Variants in CPS1 observed in about 807,000 individuals in gnomAD.
The protein encoded by CPS1 is carbamoyl-phosphate synthase [ammonia], mitochondrial.
In CPS1, 109 loss-of-function variants were observed where a neutral mutation model predicts 174.6. The ratio of observed to expected loss-of-function variants is 0.62; its 90% CI spans 0.53 to 0.73. The LOEUF is 0.73. Ranked by LOEUF, CPS1 falls within the 30% of genes least tolerant of loss-of-function variation. The probability of loss-of-function intolerance (pLI) is 0.00; values close to 1 mark genes in which losing one functional copy is unlikely to be tolerated. For synonymous variants in CPS1, 637 were observed against 632.0 expected, an observed-to-expected ratio of 1.01 and a Z score of -0.12; for missense variants, 1,689 against 1,821.9, an observed-to-expected ratio of 0.93 and a Z score of 1.33.
intron 1 of CPS1, among the ~76,000 whole-genome samples, chr2:210,543,861 C>A (rs1402189734): frequency 6.6e-6 from 1 of 152,044 alleles, no homozygotes; most frequent in African/African-American, 2.4e-5. Context: ...AAATTAGATA[C>A]ACAAAATTAG....
chr2:210,485,073 A>C (rs1694678405), intron 1 of CPS1, among the ~76,000 whole-genome samples: 1 of 150,614 alleles, frequency 6.6e-6, no homozygotes, highest in African/African-American at 2.4e-5. Context: ...CTAAAAATAC[A>C]AAAAAAAATT....
At chr2:210,658,751 C>G in intron 31 of CPS1, 63 bp downstream of exon 31, 1 of 1,213,728 alleles carries the variant, frequency 8.2e-7, no homozygotes, top group Non-Finnish European at 1.2e-6. Context: ...TGGTTTGCAT[C>G]TCTCTGGTAA....
chr2:210,642,644 C>G lies in CPS1; in HGVS notation c.3120C>G (p.Ile1040Met). 1 of 1,613,632 alleles carries G rather than the reference C, an allele frequency of 6.2e-7. No homozygotes were observed. Among genetic ancestry groups the G allele is most frequent in the Non-Finnish European group, 8.5e-7 (1 of 1,179,906 alleles). The change falls in exon 25 of 38, where the codon ATC (isoleucine) becomes ATG (methionine). Residue 1040 changes from isoleucine (I) to methionine (M), a missense_variant. By Grantham distance (10) the Ile-to-Met change is conservative. Transcript: ENST00000233072. ...LYFEELSLER[I>M]LDIYHQEACG... ...TTGAAGAGTTGTCCTTGGAGAGAAT[C>G]CTAGACATCTACCATCAGGAGGTAA...
chr2:210,487,690 T>C (rs1253071114), intron 1 of CPS1, among the ~76,000 whole-genome samples: 3 of 95,436 alleles, frequency 3.1e-5, no homozygotes, highest in Non-Finnish European at 8.1e-5. Context: ...ATTGTGATGC[T>C]TTTTTTTTTA....
intron 1 of CPS1, among the ~76,000 whole-genome samples, chr2:210,517,959 C>T (rs147451809): frequency 0.013 from 2,035 of 152,078 alleles, 30 homozygotes; most frequent in Non-Finnish European, 0.02. Flanking sequence ...ATTATACATG[C>T]TATCTATGTG....
At chr2:210,511,193 A>G (rs1021023363) in intron 1 of CPS1, among the ~76,000 whole-genome samples, 2 of 152,212 alleles carry the variant, frequency 1.3e-5, no homozygotes, top group Non-Finnish European at 2.9e-5. Flanking sequence ...ATGGAATACT[A>G]TGCAGCCTTA....
rs2229589 is a variant in CPS1, at chr2:210,591,915, C to T, written c.1032C>T (p.Thr344=). 917,099 of 1,610,134 alleles carry T rather than the reference C, an allele frequency of 0.57. 262,873 individuals are homozygous for T. Among genetic ancestry groups the T allele is most frequent in the African/African-American group, 0.67 (49,778 of 74,578 alleles). Reference sequence around the variant, plus strand: ...ATCATGGCTATGCCTTGGACAACACCCTCCCTGCTGGCTGGAAACCACTTT... The same window carrying T: ...ATCATGGCTATGCCTTGGACAACACTCTCCCTGCTGGCTGGAAACCACTTT... ...AQNHGYALDN[T]LPAGWKPLFV... The change falls in exon 10 of 38, where the codon ACC becomes ACT. Residue 344 remains threonine, a synonymous_variant. Coordinates refer to ENST00000233072, the MANE Select transcript of CPS1 (RefSeq NM_001875.5).
intron 1 of CPS1, among the ~76,000 whole-genome samples, chr2:210,481,764 G>A (rs1694576584): frequency 6.6e-6 from 1 of 152,248 alleles, no homozygotes; most frequent in Non-Finnish European, 1.5e-5. Flanking sequence ...GTGTATAGGT[G>A]AGTAACTGTA....
chr2:210,602,192 T>A lies in CPS1; in HGVS notation c.1708-10T>A. The A allele has an allele frequency of 6.2e-7, 1 of 1,612,080 alleles. No homozygotes were observed. Among genetic ancestry groups the A allele is most frequent in the Admixed American group, 1.7e-5 (1 of 59,816 alleles). On this transcript the variant is annotated splice_polypyrimidine_tract_variant and intron_variant, in intron 15 of 37. Transcript: ENST00000233072. ...CTTTTAAAATGTTGAGTCCTTGTTC[T>A]TGTTGACAGATTGAGGATGCACTGA...
At chr2:210,479,329 CTTTTT>C (rs11299389) in intron 1 of CPS1, among the ~76,000 whole-genome samples, 1 of 122,406 alleles carries the variant, frequency 8.2e-6, no homozygotes. Context: ...ATCATTCTTT[CTTTTT>C]TTTTTTTTTT....
chr2:210,587,689 C>A (rs565451548), intron 6 of CPS1, among the ~76,000 whole-genome samples: 30 of 152,124 alleles, frequency 2.0e-4, no homozygotes, highest in African/African-American at 7.2e-4. Flanking sequence ...GTATCTATTG[C>A]CACATCTGTC....
intron 20 of CPS1, among the ~76,000 whole-genome samples, chr2:210,615,898 T>G (rs1297384103): frequency 6.6e-6 from 1 of 152,024 alleles, no homozygotes; most frequent in African/African-American, 2.4e-5. Context: ...GGAAATATTC[T>G]GGAGGAATAA....
At chr2:210,668,054 A>G in intron 33 of CPS1, 132 bp from the exon 34 acceptor site, 1 of 678,074 alleles carries the variant, frequency 1.5e-6, no homozygotes, top group South Asian at 1.7e-5. Flanking sequence ...CTATGAGTAA[A>G]GTACTTTCCA....
intron 16 of CPS1, among the ~76,000 whole-genome samples, chr2:210,602,552 A>C (rs1464820312): frequency 6.6e-6 from 1 of 151,978 alleles, no homozygotes; most frequent in Non-Finnish European, 1.5e-5. Context: ...AAGGTAAACC[A>C]GTGGTCACTT....
At chr2:210,553,087 G>A (rs1305231662), upstream of CPS1, among the ~76,000 whole-genome samples, 2 of 151,736 alleles carry the variant, frequency 1.3e-5, no homozygotes, top group Non-Finnish European at 2.9e-5. Context: ...TAGCAGCAAT[G>A]AAAATGGAAT....
chr2:210,519,040 G>A (rs536794054), intron 1 of CPS1, among the ~76,000 whole-genome samples: 14 of 152,004 alleles, frequency 9.2e-5, no homozygotes, highest in African/African-American at 2.2e-4. Context: ...CTTCTGAAAT[G>A]GTCTTACAAA....
At chr2:210,496,696 C>T (rs1694999618) in intron 1 of CPS1, among the ~76,000 whole-genome samples, 2 of 152,142 alleles carry the variant, frequency 1.3e-5, no homozygotes, top group East Asian at 1.9e-4. Flanking sequence ...TGCTAGCTTC[C>T]TGCTCTTCCT....
At chr2:210,674,747 C>T in intron 34 of CPS1, 155 bp from the exon 35 acceptor site, 1 of 687,546 alleles carries the variant, frequency 1.5e-6, no homozygotes. Flanking sequence ...TCACACTCAC[C>T]ATAGAAGGAT....
Position 210,647,987 on chromosome 2 carries a change from G to C in CPS1, c.3266G>C (p.Arg1089Pro). Residue 1089 changes from arginine (R) to proline (P), a missense_variant, in exon 26 of 38, where the codon CGC becomes CCC. Arg to Pro is a moderately radical substitution (Grantham distance 103). Transcript: ENST00000233072. The stretch of plus-strand genomic sequence containing the variant: ...CTGCAGATCGACAGGGCTGAGGATC[G>C]CTCCATCTTCTCAGCTGTCTTGGAT... ...SPLQIDRAED[R>P]SIFSAVLDEL... is the part of the protein sequence containing the mutation. The C allele has an allele frequency of 6.2e-7, 1 of 1,613,970 alleles. No individual in the cohort carries two copies. Among genetic ancestry groups the C allele is most frequent in the Non-Finnish European group, 8.5e-7 (1 of 1,179,912 alleles).
Sources: gnomAD v4.1 joint callset for allele counts (sites outside exome capture counted in the v4.1 genomes callset) on GRCh38, gnomAD v4.1.1 for gene constraint, MANE v1.5 for transcripts, NCBI Gene and HGNC (gene_info 2026-07-23, HGNC 2026-07-21) for gene names.